WWP1: variants seen among roughly 807,000 people sequenced by gnomAD.
WWP1 encodes the protein NEDD4-like E3 ubiquitin-protein ligase WWP1.
A neutral mutation model predicts 130.6 loss-of-function variants in WWP1; 49 were observed. That is an observed-to-expected ratio of 0.38 (90% confidence interval 0.30 to 0.48). The LOEUF is 0.48. Among genes scored for constraint, WWP1 ranks in the 20% least tolerant of loss-of-function variants. The pLI is 0.99. For missense variants in WWP1, 809 were observed against 1,100.6 expected, an observed-to-expected ratio of 0.74 and a Z score of 3.75; for synonymous variants, 332 against 367.8, an observed-to-expected ratio of 0.90 and a Z score of 1.11.
Position 86,402,200 on chromosome 8 carries a change from A to T in WWP1, c.721A>T (p.Thr241Ser), listed in dbSNP as rs375802955. The T allele has an allele frequency of 2.2e-5, 35 of 1,612,960 alleles. No homozygotes were observed. Among genetic ancestry groups the T allele is most frequent in the Non-Finnish European group, 3.0e-5 (35 of 1,179,644 alleles). Residue 241 changes from threonine to serine, a missense_variant, in exon 8 of 25, where the codon ACT becomes TCT. Thr to Ser is a moderately conservative substitution (Grantham distance 58). This residue lies in a region of WWP1 where 262 missense variants were observed against 346.0 expected (regional missense o/e 0.76). Transcript: ENST00000517970. ...KPLASEPADD[T>S]VNGESSSFAP... is the part of the protein sequence containing the mutation. Reference sequence around the variant, plus strand: ...ACTCGCATCTGAGCCTGCCGATGACACTGGTAAGCAAGGCTATTTATGACA... The same window carrying T: ...ACTCGCATCTGAGCCTGCCGATGACTCTGGTAAGCAAGGCTATTTATGACA...
chr8:86,396,928 C>A (rs937836853), intron 5 of WWP1, among the ~76,000 whole-genome samples: 1 of 152,044 alleles, frequency 6.6e-6, no homozygotes, highest in East Asian at 1.9e-4. Flanking sequence ...GAGACTAGAT[C>A]TCACTGTGTT....
chr8:86,463,600 C>T (rs1049102418), intron 24 of WWP1, among the ~76,000 whole-genome samples: 1 of 151,810 alleles, frequency 6.6e-6, no homozygotes, highest in Non-Finnish European at 1.5e-5. Context: ...GCCACCATGC[C>T]CGGCCAATTA....
chr8:86,426,728 T>C (rs987871774), intron 10 of WWP1, among the ~76,000 whole-genome samples: 1 of 152,124 alleles, frequency 6.6e-6, no homozygotes, highest in African/African-American at 2.4e-5. Flanking sequence ...GGAAGAAAAT[T>C]GGCAGCAATA....
intron 4 of WWP1, 145 bp downstream of exon 4, chr8:86,381,009 G>T: frequency 2.6e-6 from 3 of 1,139,842 alleles, no homozygotes; most frequent in South Asian, 2.7e-5. Context: ...AGAAATTTTT[G>T]GTTAAATTTT....
Position 86,467,009 on chromosome 8 carries a change from A to C in WWP1, c.*116A>C. 1.4e-6 allele frequency: 1 copy of C among 714,944 alleles called. No individual in the cohort carries two copies. The highest frequency in any genetic ancestry group is 2.3e-6 in the Non-Finnish European group (1 of 427,056). 44.3% of individuals were successfully genotyped at this position (714,944 alleles called of 1,614,324 possible). ...TACAGTGAATTTTCCGAACCTCTCA[A>C]AGTATGTTTTCCGTTCTTCCACAGA... On this transcript the variant is annotated 3_prime_UTR_variant, in exon 25 of 25. Transcript: ENST00000517970.
At position 86,346,204 on chromosome 8, in the gene WWP1, A is replaced by C. The variant is rs562422506; in HGVS notation, c.-115+3274A>C. 7.9e-5 allele frequency among the ~76,000 whole-genome samples: 12 copies of C among 152,340 alleles called. No individual in the cohort carries two copies. The East Asian group carries it at 2.1e-3, about 27-fold the overall frequency. On this transcript the variant is annotated intron_variant, in intron 1 of 24. Transcript: ENST00000517970. ...ATTGGGTAGAGAAGAGCAGTTAGCA[A>C]TATCAGATCATTCATTTGGATTGTT...
chr8:86,459,023 CTTTTTTTT>C (rs71275853), intron 22 of WWP1, among the ~76,000 whole-genome samples: 13 of 84,260 alleles, frequency 1.5e-4, no homozygotes, highest in African/African-American at 2.6e-4. Flanking sequence ...TTTCTTTTTT[CTTTTTTTT>C]TTTTTTTTTT....
intron 5 of WWP1, among the ~76,000 whole-genome samples, chr8:86,386,175 T>C (rs1586318789): frequency 6.6e-6 from 1 of 152,358 alleles, no homozygotes; most frequent in Non-Finnish European, 1.5e-5. Context: ...AAGCAACTTA[T>C]CACTAATCAT....
intron 22 of WWP1, among the ~76,000 whole-genome samples, 194 bp from the exon 23 acceptor site, chr8:86,461,030 C>G (rs1483338531): frequency 6.6e-6 from 1 of 151,796 alleles, no homozygotes; most frequent in African/African-American, 2.4e-5. Context: ...AGGATGATCT[C>G]GATCTCCTGA....
intron 1 of WWP1, among the ~76,000 whole-genome samples, chr8:86,346,375 A>G (rs998637562): frequency 2.0e-5 from 3 of 152,172 alleles, no homozygotes; most frequent in African/African-American, 7.2e-5. Flanking sequence ...GTGAGCCGAG[A>G]TTGCGCCACT....
intron 1 of WWP1, among the ~76,000 whole-genome samples, chr8:86,362,499 C>G (rs1001758942): frequency 1.4e-4 from 22 of 151,866 alleles, no homozygotes; most frequent in Non-Finnish European, 3.2e-4. Flanking sequence ...AACCAAATTG[C>G]AAGGGTAGAA....
Position 86,380,847 on chromosome 8 carries a change from G to T in WWP1, c.192G>T (p.Trp64Cys), listed in dbSNP as rs1177841854. 1.2e-6 allele frequency: 2 copies of T among 1,611,868 alleles called. No individual in the cohort carries two copies. Reference sequence around the variant, plus strand: ...CCAGTAGTTCTTCTAATCCAAAATGGGATGAACAGCTAACTGTGTAAGTAC... The same window carrying T: ...CCAGTAGTTCTTCTAATCCAAAATGTGATGAACAGCTAACTGTGTAAGTAC... ...AKSSSSSNPKWDEQLTVNVTP... is the reference protein window; with the variant it reads ...AKSSSSSNPKCDEQLTVNVTP... The change falls in exon 4 of 25, where the codon TGG becomes TGT. Residue 64 changes from tryptophan to cysteine, a missense_variant. This residue lies in a region of WWP1 where 262 missense variants were observed against 346.0 expected (regional missense o/e 0.76). Coordinates refer to ENST00000517970, the MANE Select transcript of WWP1 (RefSeq NM_007013.4).
At chr8:86,442,281 A>G (rs1366413679) in intron 17 of WWP1, 2 of 163,052 alleles carry the variant, frequency 1.2e-5, no homozygotes, top group African/African-American at 4.8e-5. Context: ...TGATATTAAT[A>G]CAAATACACT....
chr8:86,421,504 T>G (rs199603825), intron 9 of WWP1, among the ~76,000 whole-genome samples: 1,702 of 151,616 alleles, frequency 0.011, 21 homozygotes, highest in Middle Eastern at 0.037. Flanking sequence ...GGTTCTTTTT[T>G]GGGGGGGTTC....
Position 86,342,872 on chromosome 8 carries a change from A to C in WWP1, c.-173A>C. On this transcript the variant is annotated 5_prime_UTR_variant, in exon 1 of 25. Transcript: ENST00000517970. ...GCGGAAGGGTGAGGGCGCCCGCCGC[A>C]GGAGGAGGTGCCGCTGCCGTGGCCG... is the stretch of plus-strand genomic sequence containing the variant. The C allele has an allele frequency of 3.1e-6, 1 of 326,244 alleles. No individual in the cohort carries two copies. Among genetic ancestry groups the C allele is most frequent in the Non-Finnish European group, 5.5e-6 (1 of 181,878 alleles). 20.2% of individuals were successfully genotyped at this position (326,244 alleles called of 1,614,324 possible). A position where few individuals can be genotyped will look rare whatever the true frequency, so the allele number is the denominator to read the frequency against.
At chr8:86,344,301 T>C (rs1055702471) in intron 1 of WWP1, among the ~76,000 whole-genome samples, 1 of 152,250 alleles carries the variant, frequency 6.6e-6, no homozygotes, top group Non-Finnish European at 1.5e-5. Context: ...TGGTAAGATC[T>C]ACATCAGGGT....
chr8:86,372,423 G>A (rs1252323657), intron 2 of WWP1, among the ~76,000 whole-genome samples: 1 of 152,214 alleles, frequency 6.6e-6, no homozygotes, highest in African/African-American at 2.4e-5. Flanking sequence ...GCCTGCCAAA[G>A]TGCTGGGATT....
In WWP1 at chr8:86,466,989, T is replaced by G. The variant is rs1204731645; in HGVS notation, c.*96T>G. Reference sequence around the variant, plus strand: ...TATATAAGCTGTTCATTCTGTACAGTGAATTTTCCGAACCTCTCAAAGTAT... The same window carrying G: ...TATATAAGCTGTTCATTCTGTACAGGGAATTTTCCGAACCTCTCAAAGTAT... On this transcript the variant is annotated 3_prime_UTR_variant, in exon 25 of 25. Coordinates refer to ENST00000517970, the MANE Select transcript of WWP1 (RefSeq NM_007013.4). The G allele has an allele frequency of 2.4e-6, 2 of 843,824 alleles. No homozygotes were observed. The highest frequency in any genetic ancestry group is 3.6e-5 in the African/African-American group (2 of 55,914). 52.3% of individuals were successfully genotyped at this position (843,824 alleles called of 1,614,324 possible). A position where few individuals can be genotyped will look rare whatever the true frequency, so the allele number is the denominator to read the frequency against.
chr8:86,451,321 G>A (rs1478090267), intron 20 of WWP1, among the ~76,000 whole-genome samples: 5 of 147,826 alleles, frequency 3.4e-5, no homozygotes, highest in Admixed American at 6.8e-5. Context: ...CAGAATTGAC[G>A]TATTAAGGGG....
Sources: gnomAD v4.1 joint callset for allele counts (sites outside exome capture counted in the v4.1 genomes callset) on GRCh38, gnomAD v4.1.1 for gene constraint, gnomAD v4.1.1 regional missense constraint, MANE v1.5 for transcripts, NCBI Gene and HGNC (gene_info 2026-07-23, HGNC 2026-07-21) for gene names.